Variants in NRXN3 observed in about 807,000 individuals in gnomAD.
NRXN3 encodes neurexin 3, also known as neurexin III.
In NRXN3, 32 loss-of-function variants were observed where a neutral mutation model predicts 137.6. The observed-to-expected ratio is 0.23, with a 90% confidence interval of 0.18 to 0.31. The LOEUF is 0.31. NRXN3 is among the 10% of genes least tolerant of loss of function. NRXN3 has a pLI of 1.00. For missense variants in NRXN3, 1,574 were observed against 2,062.5 expected, an observed-to-expected ratio of 0.76 and a Z score of 4.59; for synonymous variants, 798 against 784.5, an observed-to-expected ratio of 1.02 and a Z score of -0.29.
chr14:79,805,063 C>T (rs1336813163), intron 19 of NRXN3, 49 bp from the exon 20 acceptor site: 3 of 1,302,590 alleles, frequency 2.3e-6, no homozygotes, highest in African/African-American at 1.5e-5. Flanking sequence ...TTATCTCTCT[C>T]TCTTCTCTCT....
At chr14:78,769,825 A>G (rs1369416116) in intron 8 of NRXN3, among the ~76,000 whole-genome samples, 1 of 152,208 alleles carries the variant, frequency 6.6e-6, no homozygotes, top group Non-Finnish European at 1.5e-5. Context: ...AGCAGGAGCA[A>G]ATGCATAGAG....
chr14:79,803,500 G>A (rs755540995), intron 19 of NRXN3, among the ~76,000 whole-genome samples: 3 of 151,994 alleles, frequency 2.0e-5, no homozygotes, highest in East Asian at 1.9e-4. Context: ...GTATGTCTGC[G>A]TCCTACTGTC....
intron 4 of NRXN3, among the ~76,000 whole-genome samples, chr14:78,374,785 A>C (rs1389118625): frequency 6.6e-6 from 1 of 151,428 alleles, no homozygotes; most frequent in African/African-American, 2.4e-5. Context: ...AAAAAAAAAA[A>C]AAAAAAAAAG....
intron 15 of NRXN3, among the ~76,000 whole-genome samples, chr14:79,414,108 C>A (rs749614107): frequency 6.6e-6 from 1 of 151,790 alleles, no homozygotes. Context: ...CACCATTCTG[C>A]GGGGGAGTGG....
At chr14:79,759,614 C>T (rs901939391) in intron 19 of NRXN3, among the ~76,000 whole-genome samples, 2 of 151,564 alleles carry the variant, frequency 1.3e-5, no homozygotes, top group African/African-American at 2.4e-5. Context: ...AACTTGAAGT[C>T]ATATTTCTAG....
chr14:79,786,983 G>T (rs2099131262), intron 19 of NRXN3, among the ~76,000 whole-genome samples: 1 of 152,160 alleles, frequency 6.6e-6, no homozygotes, highest in South Asian at 2.1e-4. Context: ...CAGCGCTAAG[G>T]CTATTTGAAA....
intron 10 of NRXN3, among the ~76,000 whole-genome samples, chr14:78,815,809 T>A (rs78001890): frequency 6.6e-6 from 1 of 152,286 alleles, no homozygotes; most frequent in Non-Finnish European, 1.5e-5. Flanking sequence ...GACTTCTTCA[T>A]CACTAAAAGT....
intron 3 of NRXN3, chr14:78,279,665 G>A (rs1335172911): frequency 6.6e-6 from 1 of 152,100 alleles, no homozygotes; most frequent in South Asian, 2.1e-4. Flanking sequence ...GGTAGCACTG[G>A]GATTTGAACT....
chr14:78,973,256 C>T (rs1461688179), intron 14 of NRXN3, among the ~76,000 whole-genome samples: 1 of 151,940 alleles, frequency 6.6e-6, no homozygotes, highest in Non-Finnish European at 1.5e-5. Flanking sequence ...GGGGTTGGCT[C>T]CTCTTAATTT....
intron 15 of NRXN3, among the ~76,000 whole-genome samples, chr14:79,112,260 C>A (rs889029548): frequency 2.6e-5 from 4 of 152,146 alleles, no homozygotes; most frequent in Non-Finnish European, 5.9e-5. Flanking sequence ...CTCTTCTTCC[C>A]AGCCCCCTCC....
At chr14:79,473,182 C>T (rs10145154) in intron 16 of NRXN3, among the ~76,000 whole-genome samples, 37,529 of 151,908 alleles carry the variant, frequency 0.25, 5,242 homozygotes, top group African/African-American at 0.37. Context: ...TCCAGACTGA[C>T]CCCCATTTCA....
chr14:79,355,126 T>G lies in NRXN3; in HGVS notation c.3263-112095T>G, dbSNP rs746042664. Among the ~76,000 whole-genome samples, 3 of 152,320 alleles carry G rather than the reference T, an allele frequency of 2.0e-5. 1 individual carries two copies. In the South Asian group the frequency reaches 6.2e-4, roughly 32 times the overall value. ...ATTAGCAAAAAGGAAAATATTAATCTAGATTTGTTTGGTCTTAGTACTGAT... is the reference window on the plus strand; with the variant it reads ...ATTAGCAAAAAGGAAAATATTAATCGAGATTTGTTTGGTCTTAGTACTGAT... On this transcript the variant is annotated intron_variant, in intron 15 of 20. Transcript: ENST00000335750.
At chr14:79,849,696 G>A (rs2099387709) in intron 20 of NRXN3, among the ~76,000 whole-genome samples, 1 of 152,142 alleles carries the variant, frequency 6.6e-6, no homozygotes, top group Non-Finnish European at 1.5e-5. Context: ...AAACAGTATG[G>A]AAGTTCCTAA....
At chr14:79,280,015 C>T in intron 15 of NRXN3, 1 of 1,230,478 alleles carries the variant, frequency 8.1e-7, no homozygotes, top group South Asian at 2.1e-5. Flanking sequence ...TGCCGGGGCT[C>T]CGTAGGAGGT....
intron 20 of NRXN3, among the ~76,000 whole-genome samples, chr14:79,859,851 C>G (rs114623499): frequency 6.6e-6 from 1 of 152,022 alleles, no homozygotes; most frequent in African/African-American, 2.4e-5. Flanking sequence ...AGCATCCCTG[C>G]GAGTGGATTT....
intron 1 of NRXN3, among the ~76,000 whole-genome samples, chr14:78,211,242 C>T (rs1353250067): frequency 6.6e-6 from 1 of 152,214 alleles, no homozygotes; most frequent in Non-Finnish European, 1.5e-5. Flanking sequence ...TGATTTCACT[C>T]TTTGTCCTGT....
intron 15 of NRXN3, among the ~76,000 whole-genome samples, chr14:79,385,565 T>C (rs1166320892): frequency 6.6e-6 from 1 of 152,140 alleles, no homozygotes; most frequent in Non-Finnish European, 1.5e-5. Context: ...AATGTAATCC[T>C]CAGTGTTGGA....
In NRXN3 at chr14:79,535,102, G is replaced by C. The variant is rs190322104; in HGVS notation, c.3444+67700G>C. 6.4e-3 allele frequency among the ~76,000 whole-genome samples: 972 copies of C among 152,264 alleles called. 11 individuals carry two copies. The highest frequency in any genetic ancestry group is 0.041 in the Middle Eastern group (12 of 294). On this transcript the variant is annotated intron_variant, in intron 16 of 20. Coordinates refer to ENST00000335750, the MANE Select transcript of NRXN3 (RefSeq NM_001330195.2). ...CATTCCTGATCTGAAATTCATTAAG[G>C]CTAAGAGTGCCCCTTAAATTACGTT...
At chr14:79,807,740 T>C (rs2099213974) in intron 20 of NRXN3, among the ~76,000 whole-genome samples, 1 of 152,176 alleles carries the variant, frequency 6.6e-6, no homozygotes, top group African/African-American at 2.4e-5. Context: ...CATGTAGCTC[T>C]AGGAGGCTGA....
Sources: gnomAD v4.1 joint callset for allele counts (sites outside exome capture counted in the v4.1 genomes callset) on GRCh38, gnomAD v4.1.1 for gene constraint, MANE v1.5 for transcripts, NCBI Gene and HGNC (gene_info 2026-07-23, HGNC 2026-07-21) for gene names.